Variants in SPRY3 observed in about 807,000 individuals in gnomAD.
SPRY3 encodes the protein sprouty RTK signaling antagonist 3, also known as protein sprouty homolog 3.
Under a neutral mutation model 20.2 loss-of-function variants are expected in SPRY3, and 15 were observed. The observed-to-expected ratio is 0.74, with a 90% CI of 0.50 to 1.14. The LOEUF (loss-of-function observed/expected upper bound fraction) is 1.14. Among genes scored for constraint, SPRY3 ranks in the 50% most tolerant of loss-of-function variants. The pLI, the probability that SPRY3 is intolerant of heterozygous loss-of-function variation, is 0.00. For missense variants in SPRY3, 364 were observed against 363.9 expected (o/e 1.00, Z 0.00); for synonymous variants, 143 against 136.5 (o/e 1.05, Z -0.33).
intron 2 of SPRY3, among the ~76,000 whole-genome samples, chrX:155,731,548 A>G (rs1322638400): frequency 6.6e-6 from 1 of 152,160 alleles, no homozygotes; most frequent in Non-Finnish European, 1.5e-5. Flanking sequence ...TCAAACTATG[A>G]AACTACTACA....
chrX:155,674,041 A>G (rs2068052246), intron 2 of SPRY3, among the ~76,000 whole-genome samples: 1 of 112,173 alleles, frequency 8.9e-6, no homozygotes, highest in Non-Finnish European at 1.9e-5. Context: ...CAACTCTGAC[A>G]TTAACTTGGA....
intron 2 of SPRY3, among the ~76,000 whole-genome samples, chrX:155,756,797 C>G (rs1265030165): frequency 2.0e-5 from 3 of 152,006 alleles, no homozygotes; most frequent in African/African-American, 7.2e-5. Flanking sequence ...TACATACACA[C>G]ACAAATACAA....
At chrX:155,751,928 TAAAATAAAATAAAATAAAA>T (rs1180246124) in intron 2 of SPRY3, among the ~76,000 whole-genome samples, 2 of 21,982 alleles carry the variant, frequency 9.1e-5, no homozygotes, top group Admixed American at 6.4e-4. Flanking sequence ...GGAAGGGAAA[TAAAATAAAATAAAATAAAA>T]TAAAATAAAA....
chrX:155,722,294 G>A (rs1011915776), intron 2 of SPRY3, among the ~76,000 whole-genome samples: 7 of 152,096 alleles, frequency 4.6e-5, no homozygotes, highest in Admixed American at 1.3e-4. Flanking sequence ...AGGTTGAAGC[G>A]GCGGATCACT....
chrX:155,726,718 G>A (rs776036604), intron 2 of SPRY3, among the ~76,000 whole-genome samples: 1 of 152,220 alleles, frequency 6.6e-6, no homozygotes, highest in South Asian at 2.1e-4. Flanking sequence ...GTGTGTCTCT[G>A]CACATGATAT....
intron 1 of SPRY3, among the ~76,000 whole-genome samples, chrX:155,624,775 A>G (rs2067882980): frequency 8.9e-6 from 1 of 111,980 alleles, no homozygotes; most frequent in South Asian, 3.6e-4. Flanking sequence ...TTCATAGTCC[A>G]GGATAATGAA....
intron 2 of SPRY3, among the ~76,000 whole-genome samples, chrX:155,754,145 G>A (rs1020271976): frequency 7.9e-5 from 12 of 151,970 alleles, no homozygotes; most frequent in South Asian, 4.2e-4. Context: ...TTCTTGTTGC[G>A]TCTAGGAATA....
chrX:155,680,396 A>G (rs1257439245), intron 2 of SPRY3, among the ~76,000 whole-genome samples: 2 of 109,486 alleles, frequency 1.8e-5, no homozygotes, highest in Admixed American at 2.0e-4. Flanking sequence ...AATTATGGGC[A>G]TGGGGAATAA....
At chrX:155,624,884 C>T (rs1360027932) in intron 1 of SPRY3, among the ~76,000 whole-genome samples, 3 of 111,250 alleles carry the variant, frequency 2.7e-5, no homozygotes, top group African/African-American at 9.8e-5. Context: ...GAATAGAACA[C>T]GGAATAACAG....
At chrX:155,767,607 C>T (rs995440731) in intron 2 of SPRY3, among the ~76,000 whole-genome samples, 1 of 102,332 alleles carries the variant, frequency 9.8e-6, no homozygotes, top group African/African-American at 3.9e-5. Context: ...AAGGGGAGGG[C>T]AAGAGGAGGG....
At chrX:155,678,006 T>A (rs757767322) in intron 2 of SPRY3, among the ~76,000 whole-genome samples, 1 of 111,473 alleles carries the variant, frequency 9.0e-6, no homozygotes, top group Non-Finnish European at 1.9e-5. Flanking sequence ...CCAGATGTGG[T>A]CTTATGGAAA....
chrX:155,707,135 A>T (rs1421328202), intron 2 of SPRY3, among the ~76,000 whole-genome samples: 2 of 150,940 alleles, frequency 1.3e-5, no homozygotes, highest in Admixed American at 6.6e-5. Flanking sequence ...TAAAGTATAA[A>T]TTTTTTTCCA....
chrX:155,780,023 G>C (rs1370922381), downstream of SPRY3: 2 of 166,902 alleles, frequency 1.2e-5, no homozygotes, highest in African/African-American at 2.4e-5. Context: ...TAAAGGCCAG[G>C]ATGGACAAGA....
At chrX:155,775,596 A>T (rs1230805678) in exon 4 of SPRY3, 2 of 167,068 alleles carry the variant, frequency 1.2e-5, no homozygotes, top group Non-Finnish European at 2.9e-5. Context: ...CCTGTTCGTG[A>T]GCGCATGAGG....
At chrX:155,678,777 C>T (rs1331332688) in intron 2 of SPRY3, among the ~76,000 whole-genome samples, 2 of 112,292 alleles carry the variant, frequency 1.8e-5, no homozygotes, top group African/African-American at 6.5e-5. Context: ...TATCATCTCA[C>T]TTATGACTGT....
chrX:155,675,272 G>T (rs1025905798), intron 2 of SPRY3, among the ~76,000 whole-genome samples: 1 of 111,232 alleles, frequency 9.0e-6, no homozygotes, highest in Non-Finnish European at 1.9e-5. Context: ...ACTGTAGCTT[G>T]CCAATAAGTA....
chrX:155,616,132 T>TCTCTCTCTCTCTC (rs2067852142), intron 1 of SPRY3, among the ~76,000 whole-genome samples: 22 of 29,707 alleles, frequency 7.4e-4, no homozygotes, highest in African/African-American at 1.3e-3. Context: ...CTCTCTCTCC[T>TCTCTCTCTCTCTC]CTCTCTCTCT....
At chrX:155,745,214 G>A (rs1283258106) in intron 2 of SPRY3, among the ~76,000 whole-genome samples, 5 of 152,054 alleles carry the variant, frequency 3.3e-5, no homozygotes, top group Non-Finnish European at 5.9e-5. Context: ...GCAACTAGAG[G>A]GGGTCAGCTA....
At chrX:155,690,654 A>G (rs983663250) in intron 2 of SPRY3, among the ~76,000 whole-genome samples, 5 of 87,332 alleles carry the variant, frequency 5.7e-5, no homozygotes, top group Admixed American at 4.9e-4. Flanking sequence ...TCTCCTAAAT[A>G]TATATTCACC....
Sources: allele counts gnomAD v4.1 joint callset (sites outside exome capture counted in the v4.1 genomes callset), GRCh38; gene constraint gnomAD v4.1.1; transcripts MANE v1.5; gene names NCBI Gene and HGNC (gene_info 2026-07-23, HGNC 2026-07-21).